SCD5: variants seen among roughly 807,000 people sequenced by gnomAD.
The protein encoded by SCD5 is stearoyl-CoA desaturase 5, also known as acyl-CoA-desaturase 4.
A neutral mutation model predicts 30.4 loss-of-function variants in SCD5; 20 were observed. The ratio of observed to expected loss-of-function variants is 0.66; its 90% CI spans 0.46 to 0.96. SCD5 has a LOEUF of 0.96. Among genes scored for constraint, SCD5 ranks in the 40% least tolerant of loss-of-function variants. The probability of loss-of-function intolerance (pLI) is 0.00; values close to 1 mark genes in which losing one functional copy is unlikely to be tolerated. For missense variants in SCD5, 381 were observed against 443.3 expected (o/e 0.86, Z 1.26); for synonymous variants, 173 against 176.4 (o/e 0.98, Z 0.16).
At chr4:82,683,262 T>G (rs1181841392) in intron 2 of SCD5, among the ~76,000 whole-genome samples, 1 of 152,220 alleles carries the variant, frequency 6.6e-6, no homozygotes, top group African/African-American at 2.4e-5. Flanking sequence ...ATTTTATTAT[T>G]TAGAATCACA....
chr4:82,684,488 C>T (rs1027853210), intron 2 of SCD5, among the ~76,000 whole-genome samples: 1 of 152,178 alleles, frequency 6.6e-6, no homozygotes, highest in Non-Finnish European at 1.5e-5. Context: ...TCCCTACTTA[C>T]CTGCACTTTT....
intron 3 of SCD5, among the ~76,000 whole-genome samples, chr4:82,649,999 G>A (rs1243667671): frequency 6.6e-6 from 1 of 152,166 alleles, no homozygotes; most frequent in African/African-American, 2.4e-5. Context: ...CACTTTGAGG[G>A]GATGAAACTC....
At position 82,786,692 on chromosome 4, in the gene SCD5, T is replaced by C. The variant is rs111731585; in HGVS notation, c.232+11614A>G. Reference sequence around the variant, plus strand: ...CTGTAGTCCCAGTTACTGGGGAGGCTGAGGCAGGAGAATCGCTTGAACCCA... The same window carrying C: ...CTGTAGTCCCAGTTACTGGGGAGGCCGAGGCAGGAGAATCGCTTGAACCCA... On this transcript the variant is annotated intron_variant, in intron 1 of 4. Transcript: ENST00000319540. 6.7e-3 allele frequency among the ~76,000 whole-genome samples: 1,001 copies of C among 150,476 alleles called. 17 individuals are homozygous for C. The highest frequency in any genetic ancestry group is 0.023 in the African/African-American group (951 of 40,904).
chr4:82,783,237 T>C (rs1366583452), intron 1 of SCD5, among the ~76,000 whole-genome samples: 1 of 152,094 alleles, frequency 6.6e-6, no homozygotes, highest in Non-Finnish European at 1.5e-5. Flanking sequence ...CTCACAGCTG[T>C]TTTTCCCAAG....
At chr4:82,682,996 A>G (rs1263188639) in intron 2 of SCD5, among the ~76,000 whole-genome samples, 1 of 152,104 alleles carries the variant, frequency 6.6e-6, no homozygotes, top group Non-Finnish European at 1.5e-5. Flanking sequence ...TTCTATTTTT[A>G]GTGGAGATGG....
At chr4:82,765,863 G>A (rs147586461) in intron 1 of SCD5, among the ~76,000 whole-genome samples, 226 of 152,066 alleles carry the variant, frequency 1.5e-3, no homozygotes, top group African/African-American at 5.2e-3. Flanking sequence ...CAAGTGATCC[G>A]CCTGCCTTGG....
intron 1 of SCD5, among the ~76,000 whole-genome samples, chr4:82,768,738 C>T (rs1007882236): frequency 5.9e-5 from 9 of 152,156 alleles, no homozygotes; most frequent in Middle Eastern, 3.4e-3. Context: ...TAGAGGGGGG[C>T]TTTAGAAAAA....
intron 1 of SCD5, among the ~76,000 whole-genome samples, chr4:82,734,136 A>C (rs572795964): frequency 4.6e-5 from 7 of 152,224 alleles, no homozygotes; most frequent in African/African-American, 7.2e-5. Flanking sequence ...TGCCAAGCTT[A>C]TGGGGCAAGA....
At chr4:82,752,188 G>A (rs1272663715) in intron 1 of SCD5, among the ~76,000 whole-genome samples, 1 of 151,788 alleles carries the variant, frequency 6.6e-6, no homozygotes, top group Non-Finnish European at 1.5e-5. Context: ...TCATGTATGG[G>A]AATTTGTAGT....
At chr4:82,631,562 C>G (rs998178684) in intron 4 of SCD5, 45 bp from the exon 5 acceptor site, 3 of 1,587,560 alleles carry the variant, frequency 1.9e-6, no homozygotes, top group Admixed American at 1.7e-5. Context: ...CACCACCTCT[C>G]TGCATAGATG....
chr4:82,736,921 C>T (rs1468192401), intron 1 of SCD5, among the ~76,000 whole-genome samples: 2 of 152,184 alleles, frequency 1.3e-5, no homozygotes, highest in African/African-American at 2.4e-5. Flanking sequence ...CCACCTCAGC[C>T]TTTCAAAGTG....
At chr4:82,633,826 A>G (rs542304806) in intron 4 of SCD5, among the ~76,000 whole-genome samples, 2 of 152,326 alleles carry the variant, frequency 1.3e-5, no homozygotes, top group Non-Finnish European at 2.9e-5. Context: ...GGCTTTTAAT[A>G]TATTCACAGA....
intron 3 of SCD5, among the ~76,000 whole-genome samples, chr4:82,662,250 T>A (rs1340808963): frequency 1.3e-5 from 2 of 151,976 alleles, no homozygotes; most frequent in Admixed American, 1.3e-4. Flanking sequence ...AGAGACAGGA[T>A]CTATGTTGCC....
At chr4:82,641,819 A>G (rs1727553087) in intron 3 of SCD5, among the ~76,000 whole-genome samples, 1 of 152,332 alleles carries the variant, frequency 6.6e-6, no homozygotes, top group African/African-American at 2.4e-5. Flanking sequence ...TCTAAAGTAG[A>G]GTGGCACGAC....
chr4:82,736,121 A>G (rs974000315), intron 1 of SCD5, among the ~76,000 whole-genome samples: 2 of 151,392 alleles, frequency 1.3e-5, no homozygotes, highest in Admixed American at 1.3e-4. Flanking sequence ...CACCATCTCT[A>G]CAAAAAGTAT....
In SCD5 at chr4:82,636,598, A is replaced by ACC. The variant is rs1727435711; in HGVS notation, c.793_794dup (p.Ala266ValfsTer25). On this transcript the variant is annotated frameshift_variant, in exon 4 of 5. Coordinates refer to ENST00000319540, the MANE Select transcript of SCD5 (RefSeq NM_001037582.3). LOFTEE classifies it high-confidence loss of function. ...CTCAACACCCCTACTCACCAATGGC[A>ACC]CCCAGAGCGACGAGTGGGTTCTGCC... is the stretch of plus-strand genomic sequence containing the variant. 2.5e-6 allele frequency: 4 copies of ACC among 1,613,332 alleles called. No individual in the cohort carries two copies. The highest frequency in any genetic ancestry group is 3.4e-6 in the Non-Finnish European group (4 of 1,179,720).
intron 3 of SCD5, among the ~76,000 whole-genome samples, 164 bp from the exon 4 acceptor site, chr4:82,636,987 G>T (rs1025243140): frequency 4.6e-5 from 7 of 152,194 alleles, no homozygotes; most frequent in Admixed American, 1.3e-4. Flanking sequence ...GGGGTCACAA[G>T]ACCCATATAC....
At chr4:82,782,402 G>A (rs1344401427) in intron 1 of SCD5, among the ~76,000 whole-genome samples, 1 of 152,026 alleles carries the variant, frequency 6.6e-6, no homozygotes, top group African/African-American at 2.4e-5. Context: ...CCGGTTCTGG[G>A]GGTAATAACT....
intron 1 of SCD5, among the ~76,000 whole-genome samples, chr4:82,777,324 G>A (rs754514578): frequency 7.9e-5 from 12 of 152,142 alleles, no homozygotes; most frequent in South Asian, 2.1e-4. Flanking sequence ...GTGTTTTCTC[G>A]CCAAGAATTG....
Sources: gnomAD v4.1 joint callset for allele counts (sites outside exome capture counted in the v4.1 genomes callset) on GRCh38, gnomAD v4.1.1 for gene constraint, MANE v1.5 for transcripts, NCBI Gene and HGNC (gene_info 2026-07-23, HGNC 2026-07-21) for gene names.